Variants in STK3 observed in about 807,000 individuals in gnomAD.
STK3 encodes the protein serine/threonine-protein kinase 3.
A neutral mutation model predicts 58.0 loss-of-function variants in STK3; 41 were observed. The observed-to-expected ratio is 0.71, with a 90% CI of 0.55 to 0.92. The LOEUF (loss-of-function observed/expected upper bound fraction) is 0.92, where lower values mean the gene tolerates loss of function less well. Ranked by LOEUF, STK3 falls within the 40% of genes least tolerant of loss-of-function variation. The pLI, the probability that STK3 is intolerant of heterozygous loss-of-function variation, is 0.00. For synonymous variants in STK3, 170 were observed against 191.0 expected (o/e 0.89, Z 0.91); for missense variants, 479 against 602.7 (o/e 0.79, Z 2.15).
intron 6 of STK3, among the ~76,000 whole-genome samples, chr8:98,688,979 T>C (rs1824206418): frequency 1.3e-5 from 2 of 152,040 alleles, no homozygotes; most frequent in African/African-American, 4.8e-5. Flanking sequence ...AAATTGGTTT[T>C]TTGAAAGGAT....
At chr8:98,761,315 G>C (rs1830602093) in intron 3 of STK3, among the ~76,000 whole-genome samples, 1 of 151,724 alleles carries the variant, frequency 6.6e-6, no homozygotes, top group Non-Finnish European at 1.5e-5. Flanking sequence ...TTTAGAGAGA[G>C]AGTTTTGCCA....
intron 6 of STK3, among the ~76,000 whole-genome samples, chr8:98,675,395 C>T (rs576278154): frequency 1.1e-4 from 16 of 152,202 alleles, no homozygotes; most frequent in African/African-American, 3.1e-4. Flanking sequence ...TCATGAGTTC[C>T]ATAAATCTTT....
chr8:98,428,040 A>C lies in STK3; in HGVS notation n.483+6087T>G, dbSNP rs1326122049. 2 of 1,610,342 alleles carry C rather than the reference A, an allele frequency of 1.2e-6. No individual in the cohort carries two copies. Among genetic ancestry groups the C allele is most frequent in the South Asian group, 2.2e-5 (2 of 90,696 alleles). On this transcript the variant is annotated intron_variant and non_coding_transcript_variant, in intron 3 of 3. Transcript: ENST00000517832. This position sits in a 1 kb window ranked among gnomAD's most constrained non-coding sequence, Gnocchi z 6.7. ...TAACGTCGAGGACGGGGAGATCCGCATCAATGTGGGCGGCTTCAAGAGGAG... is the reference window on the plus strand; with the variant it reads ...TAACGTCGAGGACGGGGAGATCCGCCTCAATGTGGGCGGCTTCAAGAGGAG...
chr8:98,692,732 A>G lies in STK3; in HGVS notation c.684+13735T>C, dbSNP rs1587313577. The stretch of plus-strand genomic sequence containing the variant: ...GTTAAAATGATAAATTTTATGTTAT[A>G]TATTACTCATTAATCCTAATTATAA... On this transcript the variant is annotated intron_variant, in intron 6 of 10. Coordinates refer to ENST00000419617, the MANE Select transcript of STK3 (RefSeq NM_006281.4). 2.0e-5 allele frequency among the ~76,000 whole-genome samples: 3 copies of G among 152,186 alleles called. No homozygotes were observed. In the East Asian group the frequency reaches 5.8e-4, roughly 29 times the overall value.
At chr8:98,686,400 A>C (rs1824004067) in intron 6 of STK3, among the ~76,000 whole-genome samples, 1 of 152,238 alleles carries the variant, frequency 6.6e-6, no homozygotes, top group East Asian at 1.9e-4. Context: ...ATATTAAATC[A>C]AAAATAATTT....
chr8:98,693,126 G>A (rs992739763), intron 6 of STK3, among the ~76,000 whole-genome samples: 1 of 152,184 alleles, frequency 6.6e-6, no homozygotes, highest in Non-Finnish European at 1.5e-5. Context: ...GCTGGGTGCA[G>A]TGGCTCACAC....
chr8:98,743,872 C>T (rs1418559608), intron 4 of STK3, among the ~76,000 whole-genome samples: 21 of 152,138 alleles, frequency 1.4e-4, no homozygotes, highest in Non-Finnish European at 2.9e-4. Context: ...CTACAATGAA[C>T]TCAAACAAAT....
intron 1 of STK3, among the ~76,000 whole-genome samples, chr8:98,926,399 T>A (rs879217305): frequency 7.2e-5 from 11 of 152,230 alleles, no homozygotes; most frequent in Admixed American, 5.9e-4. Context: ...TGTCTATTAA[T>A]GCAAACATAT....
At chr8:98,524,087 C>T (rs1045913103) in intron 10 of STK3, among the ~76,000 whole-genome samples, 5 of 152,294 alleles carry the variant, frequency 3.3e-5, no homozygotes, top group Admixed American at 2.6e-4. Flanking sequence ...CCAGTTTTCC[C>T]AGCACGATTT....
At chr8:98,648,838 C>A (rs966533149) in intron 6 of STK3, among the ~76,000 whole-genome samples, 5 of 151,380 alleles carry the variant, frequency 3.3e-5, no homozygotes, top group African/African-American at 1.2e-4. Flanking sequence ...TTGCAGTGAG[C>A]CAAGATTGTG....
At chr8:98,908,502 A>G (rs1458880163) in intron 1 of STK3, among the ~76,000 whole-genome samples, 2 of 152,180 alleles carry the variant, frequency 1.3e-5, no homozygotes, top group East Asian at 1.9e-4. Context: ...CCAGTGAGCT[A>G]TCATTACACC....
At chr8:98,858,315 T>G (rs867826467) in intron 3 of STK3, among the ~76,000 whole-genome samples, 1,872 of 56,864 alleles carry the variant, frequency 0.033, 22 homozygotes, top group Non-Finnish European at 0.043. Context: ...TATATATATA[T>G]ATATATATAG....
At chr8:98,364,377 T>C in the STK3 span, among the ~76,000 whole-genome samples, 1 of 152,142 alleles carries the variant, frequency 6.6e-6, no homozygotes, top group Non-Finnish European at 1.5e-5. Context: ...GCCAACTCCC[T>C]CTGGGCCTAT....
intron 1 of STK3, among the ~76,000 whole-genome samples, chr8:98,809,313 T>C (rs1312403063): frequency 1.3e-5 from 2 of 152,176 alleles, no homozygotes; most frequent in Non-Finnish European, 2.9e-5. Context: ...CTTATACAAC[T>C]CAGTCCTTAA....
chr8:98,739,071 G>C (rs1828928303), intron 4 of STK3, among the ~76,000 whole-genome samples: 1 of 152,240 alleles, frequency 6.6e-6, no homozygotes, highest in Admixed American at 6.5e-5. Context: ...GCTTGCTTAG[G>C]TAAACAAAGC....
At chr8:98,669,143 C>T (rs778582045) in intron 6 of STK3, among the ~76,000 whole-genome samples, 9 of 151,790 alleles carry the variant, frequency 5.9e-5, no homozygotes, top group South Asian at 2.1e-4. Context: ...ATTACAGGCA[C>T]GCACCACCAC....
Position 98,456,004 on chromosome 8 carries a change from G to C in STK3, c.1318-4C>G. 2 of 1,598,636 alleles carry C rather than the reference G, an allele frequency of 1.3e-6. No individual in the cohort carries two copies. The highest frequency in any genetic ancestry group is 1.1e-5 in the South Asian group (1 of 88,374). ...CTTCTAAACTTAGATTTTTCAACTA[G>C]ATACAGAAAGAAAGATACCAATACA... On this transcript the variant is annotated splice_region_variant and splice_polypyrimidine_tract_variant and intron_variant, in intron 10 of 10. Transcript: ENST00000419617.
intron 3 of STK3, among the ~76,000 whole-genome samples, chr8:98,852,751 A>C (rs1353335591): frequency 6.6e-6 from 1 of 152,232 alleles, no homozygotes; most frequent in Non-Finnish European, 1.5e-5. Flanking sequence ...TTATCCACAG[A>C]ATCTTAAAAG....
intron 6 of STK3, among the ~76,000 whole-genome samples, chr8:98,655,316 C>A (rs548171515): frequency 1.3e-5 from 2 of 152,260 alleles, no homozygotes; most frequent in Non-Finnish European, 2.9e-5. Flanking sequence ...CTTCCTTACA[C>A]CTTATACAAA....
Sources: allele counts gnomAD v4.1 joint callset (sites outside exome capture counted in the v4.1 genomes callset), GRCh38; gene constraint gnomAD v4.1.1; non-coding constraint Gnocchi (gnomAD v3.1); transcripts MANE v1.5; gene names NCBI Gene and HGNC (gene_info 2026-07-23, HGNC 2026-07-21).